The following MIPEP variants were observed in gnomAD, a reference collection of about 807,000 sequenced individuals.
The protein encoded by MIPEP is mitochondrial intermediate peptidase.
A neutral mutation model predicts 90.3 loss-of-function variants in MIPEP; 79 were observed. The ratio of observed to expected loss-of-function variants is 0.87; its 90% CI spans 0.73 to 1.05. The LOEUF is 1.05. Among genes scored for constraint, MIPEP ranks in the 50% least tolerant of loss-of-function variants. MIPEP has a pLI of 0.00. For synonymous variants in MIPEP, 334 were observed against 315.8 expected (o/e 1.06, Z -0.61); for missense variants, 940 against 905.6 (o/e 1.04, Z -0.49).
chr13:23,806,350 T>C (rs1261170280), intron 15 of MIPEP, among the ~76,000 whole-genome samples: 1 of 152,104 alleles, frequency 6.6e-6, no homozygotes, highest in African/African-American at 2.4e-5. Context: ...GCAAATCAAA[T>C]ATGTGACACA....
intron 14 of MIPEP, among the ~76,000 whole-genome samples, chr13:23,833,102 A>C (rs1300678801): frequency 6.6e-6 from 1 of 152,222 alleles, no homozygotes; most frequent in African/African-American, 2.4e-5. Flanking sequence ...CCTGAAAGGC[A>C]GCAGGATAGA....
intron 18 of MIPEP, among the ~76,000 whole-genome samples, chr13:23,733,410 A>T (rs1241522151): frequency 6.6e-6 from 1 of 152,194 alleles, no homozygotes; most frequent in Non-Finnish European, 1.5e-5. Context: ...GGAACATGAG[A>T]GGTCCCAGGG....
intron 14 of MIPEP, among the ~76,000 whole-genome samples, chr13:23,834,210 C>T (rs1000867532): frequency 6.6e-6 from 1 of 152,214 alleles, no homozygotes; most frequent in Non-Finnish European, 1.5e-5. Flanking sequence ...GCACCCCCTG[C>T]GATCCGCTTC....
chr13:23,852,602 C>T (rs896116833), intron 10 of MIPEP, among the ~76,000 whole-genome samples: 8 of 152,242 alleles, frequency 5.3e-5, no homozygotes, highest in South Asian at 2.1e-4. Flanking sequence ...ACTACTGTGC[C>T]GCCAGTCATA....
chr13:23,830,294 A>G (rs1160077840), intron 14 of MIPEP, among the ~76,000 whole-genome samples: 4 of 152,198 alleles, frequency 2.6e-5, no homozygotes, highest in Non-Finnish European at 5.9e-5. Context: ...CATAAAATAT[A>G]TATTTTTTAA....
chr13:23,783,884 C>A (rs1304993406), intron 16 of MIPEP, among the ~76,000 whole-genome samples: 1 of 152,072 alleles, frequency 6.6e-6, no homozygotes, highest in Non-Finnish European at 1.5e-5. Context: ...CCTAGGAATC[C>A]AACTTACAAA....
In MIPEP at chr13:23,756,529, T is replaced by G; in HGVS notation, c.2044+16A>C. 2 of 1,611,804 alleles carry G rather than the reference T, an allele frequency of 1.2e-6. No homozygotes were observed. Among genetic ancestry groups the G allele is most frequent in the Non-Finnish European group, 1.7e-6 (2 of 1,177,970 alleles). On this transcript the variant is annotated intron_variant, in intron 18 of 18. Transcript: ENST00000382172. ...CAGCTTTCATTATAGATGGTGCCAT[T>G]TTGGTTTTGTTTTACCTTCAACCAT...
intron 17 of MIPEP, among the ~76,000 whole-genome samples, chr13:23,758,030 T>C (rs1952504837): frequency 6.6e-6 from 1 of 152,170 alleles, no homozygotes; most frequent in Admixed American, 6.5e-5. Context: ...TTGATAGCAT[T>C]ACAGTATCAA....
intron 14 of MIPEP, among the ~76,000 whole-genome samples, chr13:23,816,492 G>C (rs1449159128): frequency 6.6e-6 from 1 of 151,618 alleles, no homozygotes; most frequent in African/African-American, 2.4e-5. Context: ...ATGTGATATC[G>C]TGGCTTTATT....
At chr13:23,878,999 G>A (rs1424766701) in intron 4 of MIPEP, among the ~76,000 whole-genome samples, 1 of 152,174 alleles carries the variant, frequency 6.6e-6, no homozygotes, top group Non-Finnish European at 1.5e-5. Context: ...ATAGATGATA[G>A]ACAAATAAAC....
chr13:23,826,720 C>T (rs557244372), intron 14 of MIPEP, among the ~76,000 whole-genome samples: 2 of 151,842 alleles, frequency 1.3e-5, no homozygotes, highest in African/African-American at 2.4e-5. Context: ...AGATAAATGC[C>T]TATGAAATCA....
chr13:23,889,183 G>A lies in MIPEP; in HGVS notation c.138C>T (p.Ala46=), dbSNP rs371260499. The change falls in exon 1 of 19, where the codon GCC becomes GCT. Residue 46 remains alanine, a synonymous_variant. Coordinates refer to ENST00000382172, the MANE Select transcript of MIPEP (RefSeq NM_005932.4). ...GGCTGCCCTGGGGCTTGACATTGAA[G>A]GCGGCGCCCACGGGAGACCAGCTGG... is the stretch of plus-strand genomic sequence containing the variant. ...VSTSWSPVGA[A]FNVKPQGSRL... 6.8e-6 allele frequency: 10 copies of A among 1,466,852 alleles called. No individual in the cohort carries two copies. In the East Asian group the frequency reaches 1.2e-4, roughly 17 times the overall value. 90.9% of individuals were successfully genotyped at this position (1,466,852 alleles called of 1,614,324 possible).
chr13:23,848,977 T>C (rs1869678057), intron 10 of MIPEP, among the ~76,000 whole-genome samples: 1 of 152,178 alleles, frequency 6.6e-6, no homozygotes, highest in South Asian at 2.1e-4. Context: ...CAGTCCCACA[T>C]GACCAGCCAG....
chr13:23,836,938 T>C (rs1193665044), intron 13 of MIPEP, among the ~76,000 whole-genome samples: 2 of 152,240 alleles, frequency 1.3e-5, no homozygotes, highest in Non-Finnish European at 2.9e-5. Flanking sequence ...GTGTGTAAAG[T>C]TAGTTAACAA....
At chr13:23,758,280 C>T (rs975834533) in intron 17 of MIPEP, among the ~76,000 whole-genome samples, 1 of 152,128 alleles carries the variant, frequency 6.6e-6, no homozygotes, top group African/African-American at 2.4e-5. Flanking sequence ...CTCTGCAATG[C>T]CTGGCTTTCT....
chr13:23,776,840 T>C (rs758238752), intron 16 of MIPEP, among the ~76,000 whole-genome samples: 7 of 148,428 alleles, frequency 4.7e-5, no homozygotes, highest in Non-Finnish European at 3.0e-5. Context: ...AAGAAGAAAA[T>C]GGGACAGAAA....
chr13:23,797,306 G>A (rs1235360260), intron 16 of MIPEP, among the ~76,000 whole-genome samples: 2 of 152,118 alleles, frequency 1.3e-5, no homozygotes, highest in Non-Finnish European at 2.9e-5. Context: ...CTCCCACCTT[G>A]CTCTGTCTCC....
chr13:23,867,335 T>C (rs573705391), intron 7 of MIPEP, among the ~76,000 whole-genome samples: 3 of 152,304 alleles, frequency 2.0e-5, no homozygotes, highest in African/African-American at 7.2e-5. Context: ...ATAGTGACTC[T>C]GCGTGAAACC....
At chr13:23,734,810 G>C (rs116295890) in intron 18 of MIPEP, among the ~76,000 whole-genome samples, 1 of 152,174 alleles carries the variant, frequency 6.6e-6, no homozygotes, top group Non-Finnish European at 1.5e-5. Context: ...ATCTCCACAG[G>C]GGGGAATGTT....
Sources: gnomAD v4.1 joint callset for allele counts (sites outside exome capture counted in the v4.1 genomes callset) on GRCh38, gnomAD v4.1.1 for gene constraint, MANE v1.5 for transcripts, NCBI Gene and HGNC (gene_info 2026-07-23, HGNC 2026-07-21) for gene names.